The following SH3GL2 variants were observed in gnomAD, a reference collection of about 807,000 sequenced individuals.
The protein encoded by SH3GL2 is SH3 domain containing GRB2 like 2, endophilin A1.
In SH3GL2, 24 loss-of-function variants were observed where a neutral mutation model predicts 46.0. The observed-to-expected ratio is 0.52, with a 90% CI of 0.38 to 0.73. SH3GL2 has a LOEUF of 0.73. Among genes scored for constraint, SH3GL2 ranks in the 30% least tolerant of loss-of-function variants. SH3GL2 has a pLI of 0.00. For missense variants in SH3GL2, 413 were observed against 424.2 expected (o/e 0.97, Z 0.23); for synonymous variants, 196 against 147.1 (o/e 1.33, Z -2.40).
At chr9:17,656,027 A>G (rs768019161) in intron 1 of SH3GL2, among the ~76,000 whole-genome samples, 1 of 152,160 alleles carries the variant, frequency 6.6e-6, no homozygotes, top group Non-Finnish European at 1.5e-5. Flanking sequence ...GTCCCCTGAA[A>G]TCATATTTGG....
At chr9:17,596,256 T>A (rs1487047347) in intron 1 of SH3GL2, among the ~76,000 whole-genome samples, 1 of 152,230 alleles carries the variant, frequency 6.6e-6, no homozygotes, top group East Asian at 1.9e-4. Flanking sequence ...GCATGGCTAC[T>A]TTTCTGGTTT....
intron 1 of SH3GL2, among the ~76,000 whole-genome samples, chr9:17,623,074 CCCCTTCCCCTTCCCCTTT>C (rs1819193748): frequency 8.0e-6 from 1 of 125,400 alleles, no homozygotes; most frequent in Non-Finnish European, 1.6e-5. Flanking sequence ...CCTTCCCCTT[CCCCTTCCCCTTCCCCTTT>C]CCTATCTTTG....
chr9:17,717,136 A>G (rs1451696588), intron 1 of SH3GL2, among the ~76,000 whole-genome samples: 2 of 152,086 alleles, frequency 1.3e-5, no homozygotes, highest in Non-Finnish European at 2.9e-5. Flanking sequence ...ATTTCTACCA[A>G]TTACCAGCTG....
intron 1 of SH3GL2, among the ~76,000 whole-genome samples, chr9:17,669,414 A>T (rs186480155): frequency 6.6e-6 from 1 of 152,148 alleles, no homozygotes; most frequent in Non-Finnish European, 1.5e-5. Flanking sequence ...CTCTTTTATA[A>T]CCGTACCCAC....
In SH3GL2 at chr9:17,758,561, C is replaced by CAAAAAAAA. The variant is rs57019804; in HGVS notation, c.115-2849_115-2842dup. 6.9e-3 allele frequency among the ~76,000 whole-genome samples: 203 copies of CAAAAAAAA among 29,226 alleles called. 56 individuals carry two copies. The highest frequency in any genetic ancestry group is 0.011 in the Non-Finnish European group (130 of 11,930). The allele number at this position is 29,226 out of a possible 152,430, so 19.2% of individuals were successfully genotyped here. On this transcript the variant is annotated intron_variant, in intron 2 of 8. Coordinates refer to ENST00000380607, the MANE Select transcript of SH3GL2 (RefSeq NM_003026.5). ...TGGGGGAGAGAGTAAGACCCTGTCT[C>CAAAAAAAA]AAAAAAAAAAAAAAAAAAAAAAAAA...
At position 17,747,153 on chromosome 9, in the gene SH3GL2, C is replaced by G. The variant is rs1390345715; in HGVS notation, c.114+19C>G. The G allele has an allele frequency of 6.6e-7, 1 of 1,517,188 alleles. No homozygotes were observed. The highest frequency in any genetic ancestry group is 9.1e-7 in the Non-Finnish European group (1 of 1,099,326). 94.0% of individuals were successfully genotyped at this position (1,517,188 alleles called of 1,614,324 possible). The stretch of plus-strand genomic sequence containing the variant: ...GGAAAGGGTAAGCCTTCACTACTGC[C>G]TAGTGTTCCCTTTGACATAAACATG... On this transcript the variant is annotated intron_variant, in intron 2 of 8. Transcript: ENST00000380607.
intron 1 of SH3GL2, among the ~76,000 whole-genome samples, chr9:17,678,578 G>A (rs141582830): frequency 0.026 from 4,020 of 152,204 alleles, 96 homozygotes; most frequent in African/African-American, 0.059. Flanking sequence ...CCATTCTGTA[G>A]GTTGCCTGTT....
chr9:17,768,760 G>T (rs903867757), intron 3 of SH3GL2, among the ~76,000 whole-genome samples: 1 of 152,044 alleles, frequency 6.6e-6, no homozygotes, highest in African/African-American at 2.4e-5. Context: ...TATGTATCTC[G>T]ACTCTGAGTG....
intron 1 of SH3GL2, among the ~76,000 whole-genome samples, chr9:17,583,747 A>G (rs1006839259): frequency 2.6e-5 from 4 of 152,092 alleles, no homozygotes; most frequent in African/African-American, 7.2e-5. Context: ...TAACTGGGAA[A>G]ATTTCATCAT....
At chr9:17,770,829 C>T (rs1823458055) in intron 3 of SH3GL2, among the ~76,000 whole-genome samples, 1 of 152,198 alleles carries the variant, frequency 6.6e-6, no homozygotes, top group Non-Finnish European at 1.5e-5. Context: ...CTCTCAATCA[C>T]ACTGCCACAG....
chr9:17,765,287 T>G (rs1823284379), intron 3 of SH3GL2, among the ~76,000 whole-genome samples: 1 of 146,220 alleles, frequency 6.8e-6, no homozygotes, highest in African/African-American at 2.5e-5. Flanking sequence ...TCAGTAGGAT[T>G]TGATGCTTCG....
At chr9:17,582,741 C>T (rs930712644) in intron 1 of SH3GL2, among the ~76,000 whole-genome samples, 2 of 152,238 alleles carry the variant, frequency 1.3e-5, no homozygotes, top group South Asian at 4.1e-4. Flanking sequence ...CACTTGAAGT[C>T]TGAGACCAAG....
At chr9:17,706,693 T>C (rs1364381951) in intron 1 of SH3GL2, among the ~76,000 whole-genome samples, 1 of 152,048 alleles carries the variant, frequency 6.6e-6, no homozygotes, top group Non-Finnish European at 1.5e-5. Flanking sequence ...TTGTATCTTA[T>C]TTTTTTCCTC....
At chr9:17,748,305 T>G (rs1224184440) in intron 2 of SH3GL2, among the ~76,000 whole-genome samples, 1 of 152,200 alleles carries the variant, frequency 6.6e-6, no homozygotes, top group Non-Finnish European at 1.5e-5. Context: ...ATCCTGTACT[T>G]GAACAGAAGA....
At chr9:17,606,374 A>G (rs747856247) in intron 1 of SH3GL2, among the ~76,000 whole-genome samples, 36 of 152,268 alleles carry the variant, frequency 2.4e-4, no homozygotes, top group Middle Eastern at 3.4e-3. Context: ...TACAGGCGTA[A>G]GCCACCATGC....
intron 3 of SH3GL2, among the ~76,000 whole-genome samples, chr9:17,772,944 C>G (rs1253900628): frequency 6.6e-6 from 1 of 152,180 alleles, no homozygotes; most frequent in Non-Finnish European, 1.5e-5. Context: ...ATTTTACTTT[C>G]TCACCAACAG....
intron 1 of SH3GL2, among the ~76,000 whole-genome samples, chr9:17,584,426 C>G (rs1404688468): frequency 6.6e-6 from 1 of 152,124 alleles, no homozygotes; most frequent in Non-Finnish European, 1.5e-5. Flanking sequence ...TTGCCTGAAC[C>G]CAGGAGGCCG....
At chr9:17,651,686 G>C (rs1459122947) in intron 1 of SH3GL2, among the ~76,000 whole-genome samples, 2 of 152,116 alleles carry the variant, frequency 1.3e-5, no homozygotes, top group Non-Finnish European at 2.9e-5. Flanking sequence ...TTTTGAAAGA[G>C]ATTTGTGTTG....
At chr9:17,750,476 G>T (rs1389374935) in intron 2 of SH3GL2, among the ~76,000 whole-genome samples, 1 of 152,114 alleles carries the variant, frequency 6.6e-6, no homozygotes, top group African/African-American at 2.4e-5. Context: ...TAGCTCTGCA[G>T]CCCTCCTCTC....
Sources: gnomAD v4.1 joint callset for allele counts (sites outside exome capture counted in the v4.1 genomes callset) on GRCh38, gnomAD v4.1.1 for gene constraint, MANE v1.5 for transcripts, NCBI Gene and HGNC (gene_info 2026-07-23, HGNC 2026-07-21) for gene names.